The following RC3H1 variants were observed in gnomAD, a reference collection of about 807,000 sequenced individuals.
RC3H1 encodes the protein ring finger and CCCH-type domains 1.
A neutral mutation model predicts 138.2 loss-of-function variants in RC3H1; 50 were observed. The ratio of observed to expected loss-of-function variants is 0.36; its 90% confidence interval spans 0.29 to 0.46. The LOEUF is 0.46. RC3H1 is among the 20% of genes least tolerant of loss of function. RC3H1 has a pLI of 1.00. For missense variants in RC3H1, 1,031 were observed against 1,388.1 expected (o/e 0.74, Z 4.09); for synonymous variants, 462 against 489.1 (o/e 0.94, Z 0.73).
chr1:173,946,698 T>C, intron 16 of RC3H1, 48 bp downstream of exon 16: 6 of 1,596,794 alleles, frequency 3.8e-6, no homozygotes, highest in Non-Finnish European at 5.1e-6. Flanking sequence ...AGTTGCCTAA[T>C]TTTAAAGGTT....
chr1:173,999,759 T>C (rs1008900878), intron 1 of RC3H1, among the ~76,000 whole-genome samples: 2 of 152,210 alleles, frequency 1.3e-5, no homozygotes, highest in Admixed American at 6.5e-5. Context: ...AACCAACATT[T>C]GTGAAGCAAA....
chr1:174,012,143 A>G (rs1048910092), intron 1 of RC3H1, among the ~76,000 whole-genome samples: 1 of 151,124 alleles, frequency 6.6e-6, no homozygotes, highest in African/African-American at 2.5e-5. Flanking sequence ...AGGTGAGTGG[A>G]TCACTTGAGC....
chr1:173,977,790 T>A (rs1394886698), intron 7 of RC3H1, among the ~76,000 whole-genome samples: 1 of 152,020 alleles, frequency 6.6e-6, no homozygotes, highest in African/African-American at 2.4e-5. Context: ...AGCACTCAGG[T>A]CAGAAGAGAA....
chr1:174,020,135 G>A (rs369677823), intron 1 of RC3H1, among the ~76,000 whole-genome samples: 86 of 145,180 alleles, frequency 5.9e-4, no homozygotes, highest in Admixed American at 6.9e-4. Flanking sequence ...AATTAGCACA[G>A]AAAAAAAAAA....
chr1:173,995,665 C>T (rs1661442462), intron 1 of RC3H1, among the ~76,000 whole-genome samples: 1 of 152,006 alleles, frequency 6.6e-6, no homozygotes, highest in East Asian at 1.9e-4. Context: ...CAGGAGGTGA[C>T]TCACTTTATT....
chr1:173,994,425 T>G (rs535143915), intron 1 of RC3H1, among the ~76,000 whole-genome samples: 1 of 152,122 alleles, frequency 6.6e-6, no homozygotes, highest in East Asian at 1.9e-4. Flanking sequence ...TTTGACAACA[T>G]AAGAATATTT....
intron 14 of RC3H1, among the ~76,000 whole-genome samples, chr1:173,950,416 C>T (rs1431445912): frequency 2.1e-5 from 2 of 93,838 alleles, no homozygotes; most frequent in Non-Finnish European, 3.7e-5. Context: ...GACCTCATCT[C>T]TACCAAAAAA....
intron 1 of RC3H1, among the ~76,000 whole-genome samples, chr1:174,006,697 A>T (rs1661657735): frequency 6.6e-6 from 1 of 152,188 alleles, no homozygotes; most frequent in Non-Finnish European, 1.5e-5. Context: ...GGAACTCTGG[A>T]ACTGTTTAAA....
chr1:173,959,801 T>C (rs1659791555), intron 13 of RC3H1, among the ~76,000 whole-genome samples: 1 of 149,882 alleles, frequency 6.7e-6, no homozygotes. Flanking sequence ...TCTCATCATA[T>C]TGATCTAAGA....
intron 17 of RC3H1, among the ~76,000 whole-genome samples, chr1:173,944,104 C>T (rs1314744209): frequency 6.7e-6 from 1 of 150,230 alleles, no homozygotes; most frequent in African/African-American, 2.5e-5. Context: ...AAGATTACAG[C>T]GAGCTGCTAT....
At chr1:174,000,974 C>T (rs1379474707) in intron 1 of RC3H1, among the ~76,000 whole-genome samples, 2 of 152,034 alleles carry the variant, frequency 1.3e-5, no homozygotes, top group Non-Finnish European at 2.9e-5. Flanking sequence ...TGAATTGTAA[C>T]CCTATATATA....
rs772073332 is a variant in RC3H1, at chr1:173,961,180, C to T, written c.2267G>A (p.Arg756His). 6.8e-6 allele frequency: 11 copies of T among 1,613,768 alleles called. No homozygotes were observed. Among genetic ancestry groups the T allele is most frequent in the Middle Eastern group, 1.6e-4 (1 of 6,084 alleles). ...CTGGGCCATTATTTCCTTTCGTCGG[C>T]GATGTAGTTCATCTAGACTAGGATG... ...QPHPSLDELH[R>H]RRKEIMAQLE... is the part of the protein sequence containing the mutation. The change falls in exon 13 of 20, where the codon CGC (arginine) becomes CAC (histidine). Residue 756 changes from arginine to histidine, a missense_variant. Arg to His is a conservative substitution (Grantham distance 29, BLOSUM62 0). Around this residue, in one of 7 missense-constraint regions of RC3H1, gnomAD observed 716 missense variants for 837.9 expected, o/e 0.85. Coordinates refer to ENST00000367696, the MANE Select transcript of RC3H1 (RefSeq NM_172071.4).
At chr1:174,020,762 A>C (rs957696957) in intron 1 of RC3H1, among the ~76,000 whole-genome samples, 9 of 152,158 alleles carry the variant, frequency 5.9e-5, no homozygotes, top group African/African-American at 1.9e-4. Context: ...TAATCCAAGC[A>C]CTTTGGGAGG....
At chr1:174,001,210 G>C (rs902281256) in intron 1 of RC3H1, among the ~76,000 whole-genome samples, 24 of 152,224 alleles carry the variant, frequency 1.6e-4, no homozygotes, top group Non-Finnish European at 3.1e-4. Flanking sequence ...CCTAATACCA[G>C]ATTGAGGAGA....
At position 173,938,151 on chromosome 1, in the gene RC3H1, A is replaced by T. The variant is rs572890275; in HGVS notation, c.*570T>A. 1 of 152,342 alleles carries T rather than the reference A, an allele frequency of 6.6e-6. No homozygotes were observed. The highest frequency in any genetic ancestry group is 2.1e-4 in the South Asian group (1 of 4,832). 9.4% of individuals were successfully genotyped at this position (152,342 alleles called of 1,614,324 possible). ...AAAGGGATAAAGAATTCCAAATAAC[A>T]GCTCTGGGAAAAGTTGGTTTGCTGC... On this transcript the variant is annotated 3_prime_UTR_variant, in exon 20 of 20. Coordinates refer to ENST00000367696, the MANE Select transcript of RC3H1 (RefSeq NM_172071.4).
chr1:173,965,061 T>G lies in RC3H1; in HGVS notation c.1394A>C (p.Gln465Pro). The G allele has an allele frequency of 6.2e-7, 1 of 1,614,224 alleles. No individual in the cohort carries two copies. Among genetic ancestry groups the G allele is most frequent in the South Asian group, 1.1e-5 (1 of 91,090 alleles). ...TGAAGGCAGGCCCACCTCATTAAGT[T>G]GACCCAAAGAGGCACTCAAGGGTCT... Reference protein sequence around the residue: ...PRRPLSASLGQLNEVGLPSAA... With the variant: ...PRRPLSASLGPLNEVGLPSAA... Residue 465 changes from glutamine (Q) to proline (P), a missense_variant, in exon 10 of 20, where the codon CAA becomes CCA. Transcript: ENST00000367696.
rs375203921 is a variant in RC3H1, at chr1:173,952,110, C to A, written c.2399G>T (p.Gly800Val). The A allele has an allele frequency of 1.1e-5, 17 of 1,579,018 alleles. No homozygotes were observed. Among genetic ancestry groups the A allele is most frequent in the Non-Finnish European group, 1.5e-5 (17 of 1,162,146 alleles). ...GCTATAATCATTTCCTTTGTATTTC[C>A]CAGCTACCTTCAAGTCTTCATCCAA... ...EFLDEDLKVAGKYKGNDYSQY... is the reference protein window; with the variant it reads ...EFLDEDLKVAVKYKGNDYSQY... Residue 800 changes from glycine (G) to valine (V), a missense_variant, in exon 14 of 20, where the codon GGG (glycine) becomes GTG (valine). By Grantham distance (109) the Gly-to-Val change is moderately radical. Coordinates refer to ENST00000367696, the MANE Select transcript of RC3H1 (RefSeq NM_172071.4).
intron 14 of RC3H1, among the ~76,000 whole-genome samples, chr1:173,948,980 C>T (rs1659259640): frequency 6.6e-6 from 1 of 151,902 alleles, no homozygotes; most frequent in Non-Finnish European, 1.5e-5. Flanking sequence ...TTTTGAAAGC[C>T]AAGTACAAGG....
intron 17 of RC3H1, among the ~76,000 whole-genome samples, chr1:173,945,583 T>C (rs1659098823): frequency 2.0e-5 from 3 of 152,222 alleles, no homozygotes; most frequent in Admixed American, 6.5e-5. Context: ...CTGCCTAAAA[T>C]ATCAGGGATA....
Sources: allele counts gnomAD v4.1 joint callset (sites outside exome capture counted in the v4.1 genomes callset), GRCh38; gene constraint gnomAD v4.1.1; regional missense constraint gnomAD v4.1.1; transcripts MANE v1.5; gene names NCBI Gene and HGNC (gene_info 2026-07-23, HGNC 2026-07-21).